Variants in ADD1 observed in about 807,000 individuals in gnomAD.
The protein encoded by ADD1 is adducin 1.
In ADD1, 24 loss-of-function variants were observed where a neutral mutation model predicts 80.5. The ratio of observed to expected loss-of-function variants is 0.30; its 90% CI spans 0.22 to 0.42. The LOEUF is 0.42. Among genes scored for constraint, ADD1 ranks in the 10% least tolerant of loss-of-function variants. The pLI, the probability that ADD1 is intolerant of heterozygous loss-of-function variation, is 1.00. For missense variants in ADD1, 948 were observed against 1,019.0 expected, an observed-to-expected ratio of 0.93 and a Z score of 0.95; for synonymous variants, 373 against 393.8, an observed-to-expected ratio of 0.95 and a Z score of 0.63.
chr4:2,925,945 A>T, intron 14 of ADD1, 69 bp from the exon 15 acceptor site: 1 of 1,411,528 alleles, frequency 7.1e-7, no homozygotes, highest in Non-Finnish European at 9.9e-7. Context: ...CCCATCTGCC[A>T]TGGAGGCAGG....
At chr4:2,905,414 C>A in intron 10 of ADD1, 1 of 383,620 alleles carries the variant, frequency 2.6e-6, no homozygotes, top group Non-Finnish European at 4.7e-6. Flanking sequence ...TTATTTAATT[C>A]AAATTATATT....
chr4:2,894,230 A>G (rs1734777567), intron 5 of ADD1, 137 bp downstream of exon 5: 1 of 727,540 alleles, frequency 1.4e-6, no homozygotes, highest in Non-Finnish European at 2.3e-6. Context: ...CAGTTAGAGA[A>G]AAACCTTTGA....
rs4964 is a variant in ADD1, at chr4:2,926,686, T to C, written c.2047+574T>C. 1,286,437 of 1,612,036 alleles carry C rather than the reference T, an allele frequency of 0.8. 515,981 individuals carry two copies. Among genetic ancestry groups the C allele is most frequent in the Middle Eastern group, 0.9 (5,455 of 6,056 alleles). Reference sequence around the variant, plus strand: ...GTACCTGTTACCCTAGTAAGTACCGTGCTGCCTCCGCTCTCCACCGGTGCC... The same window carrying C: ...GTACCTGTTACCCTAGTAAGTACCGCGCTGCCTCCGCTCTCCACCGGTGCC... On this transcript the variant is annotated intron_variant, in intron 15 of 15. Coordinates refer to ENST00000683351, the MANE Select transcript of ADD1 (RefSeq NM_001354761.2). This position sits in a 1 kb window ranked among gnomAD's most constrained non-coding sequence, Gnocchi z 5.0.
At chr4:2,919,078 A>G (rs1323236369) in intron 14 of ADD1, among the ~76,000 whole-genome samples, 1 of 151,950 alleles carries the variant, frequency 6.6e-6, no homozygotes, top group African/African-American at 2.4e-5. Flanking sequence ...TGACCTTGTG[A>G]TCCACCTGCC....
chr4:2,884,749 G>A, intron 4 of ADD1, 83 bp downstream of exon 4: 2 of 1,440,876 alleles, frequency 1.4e-6, no homozygotes, highest in Non-Finnish European at 1.9e-6. Context: ...AGGAGAAGAG[G>A]GAAGCAGGCT....
At chr4:2,885,633 A>G (rs540324461) in intron 4 of ADD1, among the ~76,000 whole-genome samples, 94 of 149,848 alleles carry the variant, frequency 6.3e-4, no homozygotes, top group African/African-American at 1.3e-3. Context: ...TTTTTGAGAC[A>G]GAGACTTGCT....
chr4:2,876,156 T>C (rs1560173161), intron 2 of ADD1, 46 bp downstream of exon 2: 2 of 1,563,200 alleles, frequency 1.3e-6, no homozygotes, highest in Non-Finnish European at 1.7e-6. Context: ...TCTTTCCTTT[T>C]CTAATACTTC....
intron 1 of ADD1, among the ~76,000 whole-genome samples, chr4:2,859,341 A>T (rs1339618956): frequency 2.0e-5 from 3 of 152,224 alleles, no homozygotes; most frequent in Admixed American, 6.5e-5. Context: ...ATATTTTCTT[A>T]TTGAAAAATA....
chr4:2,893,213 G>A (rs565254928), intron 4 of ADD1, among the ~76,000 whole-genome samples: 2 of 152,064 alleles, frequency 1.3e-5, no homozygotes, highest in East Asian at 3.9e-4. Flanking sequence ...ACAGGCTTGA[G>A]CCACAGTGCC....
At chr4:2,903,097 A>T (rs952885101) in intron 9 of ADD1, among the ~76,000 whole-genome samples, 1 of 152,182 alleles carries the variant, frequency 6.6e-6, no homozygotes, top group South Asian at 2.1e-4. Flanking sequence ...ATGGCCCCCA[A>T]AAAAGAGCAG....
At chr4:2,925,036 C>T (rs943526975) in intron 14 of ADD1, among the ~76,000 whole-genome samples, 3 of 152,304 alleles carry the variant, frequency 2.0e-5, no homozygotes, top group East Asian at 3.9e-4. Context: ...AGGCTCTGGC[C>T]GTGCTCTGTG....
At chr4:2,925,970 G>A (rs772867973) in intron 14 of ADD1, 44 bp from the exon 15 acceptor site, 20 of 1,569,664 alleles carry the variant, frequency 1.3e-5, no homozygotes, top group East Asian at 6.8e-5. Flanking sequence ...GGCTCATGGC[G>A]TGGCGTCCAC....
intron 4 of ADD1, among the ~76,000 whole-genome samples, chr4:2,885,772 G>A (rs1245181759): frequency 7.9e-5 from 12 of 151,364 alleles, no homozygotes; most frequent in Non-Finnish European, 1.3e-4. Flanking sequence ...ACCACGCCTG[G>A]CTAATTTTTT....
intron 2 of ADD1, 109 bp downstream of exon 2, chr4:2,876,219 A>C: frequency 9.4e-7 from 1 of 1,064,118 alleles, no homozygotes; most frequent in Non-Finnish European, 1.3e-6. Flanking sequence ...TTATCACAGG[A>C]AATCAGTGCC....
chr4:2,849,325 A>G (rs1448662353), intron 1 of ADD1, among the ~76,000 whole-genome samples: 2 of 152,242 alleles, frequency 1.3e-5, no homozygotes, highest in Non-Finnish European at 2.9e-5. Context: ...AGGTTGGGAA[A>G]GAGGGTTCAT....
chr4:2,875,562 T>C (rs367734236), intron 1 of ADD1, among the ~76,000 whole-genome samples: 5 of 152,372 alleles, frequency 3.3e-5, no homozygotes, highest in African/African-American at 1.2e-4. Context: ...GAACAAATCA[T>C]GTCTGTAAAG....
intron 14 of ADD1, among the ~76,000 whole-genome samples, chr4:2,921,919 T>C (rs886205289): frequency 9.9e-5 from 15 of 151,872 alleles, no homozygotes; most frequent in African/African-American, 3.1e-4. Flanking sequence ...TTCTGCTTGA[T>C]TGATTTGGCT....
chr4:2,852,488 G>A (rs369653503), intron 1 of ADD1, among the ~76,000 whole-genome samples: 1 of 149,914 alleles, frequency 6.7e-6, no homozygotes, highest in Non-Finnish European at 1.5e-5. Context: ...CACCACACCC[G>A]GCTGATTTTT....
chr4:2,901,918 C>CTTTCTTTTTT (rs1736258255), intron 9 of ADD1: 5 of 146,886 alleles, frequency 3.4e-5, no homozygotes, highest in African/African-American at 1.3e-4. Flanking sequence ...TATATATTTT[C>CTTTCTTTTTT]TCTTTCTTTT....
Sources: gnomAD v4.1 joint callset for allele counts (sites outside exome capture counted in the v4.1 genomes callset) on GRCh38, gnomAD v4.1.1 for gene constraint, Gnocchi (gnomAD v3.1) non-coding constraint, MANE v1.5 for transcripts, NCBI Gene and HGNC (gene_info 2026-07-23, HGNC 2026-07-21) for gene names.